Variants in NDUFA10 observed in about 807,000 individuals in gnomAD.
The protein encoded by NDUFA10 is NADH dehydrogenase [ubiquinone] 1 alpha subcomplex subunit 10, mitochondrial.
A neutral mutation model predicts 47.8 loss-of-function variants in NDUFA10; 40 were observed. The ratio of observed to expected loss-of-function variants is 0.84; its 90% CI spans 0.65 to 1.09. The LOEUF is 1.09. Among genes scored for constraint, NDUFA10 ranks in the 50% least tolerant of loss-of-function variants. The pLI, the probability that NDUFA10 is intolerant of heterozygous loss-of-function variation, is 0.00. For missense variants in NDUFA10, 413 were observed against 451.1 expected (o/e 0.92, Z 0.76); for synonymous variants, 183 against 172.2 (o/e 1.06, Z -0.49).
chr2:239,918,025 G>GT (rs1399305269), intron 4 of NDUFA10, among the ~76,000 whole-genome samples: 9 of 152,290 alleles, frequency 5.9e-5, no homozygotes, highest in African/African-American at 2.2e-4. Flanking sequence ...TGGACTCCAG[G>GT]TGGGGAGAGG....
chr2:239,963,219 G>A (rs1341860071), intron 9 of NDUFA10, among the ~76,000 whole-genome samples: 1 of 152,208 alleles, frequency 6.6e-6, no homozygotes, highest in Non-Finnish European at 1.5e-5. Flanking sequence ...GAAAGCCCAG[G>A]TCATTCAGCC....
intron 4 of NDUFA10, among the ~76,000 whole-genome samples, chr2:239,903,085 C>T (rs376167958): frequency 1.4e-3 from 207 of 152,208 alleles, no homozygotes; most frequent in African/African-American, 4.6e-3. Context: ...ATCCAGAGCA[C>T]GTTCTTGTCT....
chr2:239,933,743 A>G (rs1286747922), intron 4 of NDUFA10, among the ~76,000 whole-genome samples: 2 of 152,144 alleles, frequency 1.3e-5, no homozygotes, highest in Non-Finnish European at 1.5e-5. Flanking sequence ...AGGGCCCTGT[A>G]CGGAACGAAG....
intron 4 of NDUFA10, among the ~76,000 whole-genome samples, chr2:239,949,620 C>T (rs1057347004): frequency 1.4e-4 from 21 of 152,168 alleles, no homozygotes; most frequent in African/African-American, 4.8e-4. Context: ...CAGCCTCCCA[C>T]ATAGCTGGGA....
chr2:240,017,962 C>A (rs932575593), intron 4 of NDUFA10: 2 of 1,401,956 alleles, frequency 1.4e-6, no homozygotes, highest in Non-Finnish European at 2.0e-6. Context: ...AACCCACCGC[C>A]CAACACAGTC....
chr2:239,997,318 A>C (rs941558253), intron 8 of NDUFA10, among the ~76,000 whole-genome samples: 6 of 152,240 alleles, frequency 3.9e-5, no homozygotes, highest in African/African-American at 1.4e-4. Flanking sequence ...AGGTTCTTCG[A>C]AAAAGTTAAT....
intron 7 of NDUFA10, among the ~76,000 whole-genome samples, chr2:240,006,135 G>A (rs1376299546): frequency 6.6e-6 from 1 of 152,122 alleles, no homozygotes; most frequent in Admixed American, 6.5e-5. Context: ...TCGGGAATTT[G>A]AGTAAATTCA....
chr2:240,007,168 T>C (rs183709834), intron 7 of NDUFA10, 148 bp downstream of exon 7: 83 of 675,412 alleles, frequency 1.2e-4, no homozygotes, highest in Admixed American at 3.1e-4. Flanking sequence ...GGGAGTGTGA[T>C]GATGGGTTTG....
chr2:240,019,507 G>A (rs1327584881), intron 3 of NDUFA10, among the ~76,000 whole-genome samples: 1 of 152,130 alleles, frequency 6.6e-6, no homozygotes, highest in Non-Finnish European at 1.5e-5. Context: ...CAGAAGACAG[G>A]GTTGAAGAAT....
intron 8 of NDUFA10, among the ~76,000 whole-genome samples, chr2:239,996,694 CCA>C (rs1001641047): frequency 1.3e-5 from 2 of 152,196 alleles, no homozygotes; most frequent in Admixed American, 1.3e-4. Context: ...CACACACTCC[CCA>C]CACACTTTAA....
At chr2:239,999,522 TAGC>T (rs1342419159) in intron 8 of NDUFA10, among the ~76,000 whole-genome samples, 3 of 152,064 alleles carry the variant, frequency 2.0e-5, no homozygotes, top group South Asian at 2.1e-4. Context: ...GCCTCTTCCA[TAGC>T]AGCAGCAGCA....
At chr2:240,009,159 T>A (rs1201932058) in intron 6 of NDUFA10, among the ~76,000 whole-genome samples, 1 of 152,186 alleles carries the variant, frequency 6.6e-6, no homozygotes, top group Non-Finnish European at 1.5e-5. Context: ...TCACCCACCT[T>A]AGAACAATCT....
At chr2:239,952,733 C>CAGGGAT (rs1694577612), downstream of NDUFA10, among the ~76,000 whole-genome samples, 2 of 152,204 alleles carry the variant, frequency 1.3e-5, 1 homozygote, top group South Asian at 4.1e-4. Flanking sequence ...CACATGGGGA[C>CAGGGAT]AGGGATGGGC....
At chr2:239,914,006 G>A (rs999619904) in intron 4 of NDUFA10, among the ~76,000 whole-genome samples, 7 of 152,326 alleles carry the variant, frequency 4.6e-5, no homozygotes, top group East Asian at 1.9e-4. Flanking sequence ...GAACTGAGGC[G>A]GACGTGGACT....
At chr2:239,892,595 G>C (rs1364459866) in exon 6 of NDUFA10, 1 of 152,184 alleles carries the variant, frequency 6.6e-6, no homozygotes, top group African/African-American at 2.4e-5. Flanking sequence ...TTACGTACCA[G>C]GGCTGGGACG....
intron 4 of NDUFA10, among the ~76,000 whole-genome samples, chr2:239,900,885 T>C (rs762263780): frequency 1.3e-5 from 2 of 152,242 alleles, no homozygotes; most frequent in Non-Finnish European, 2.9e-5. Flanking sequence ...GCCATCTTCA[T>C]CACATAAAGG....
chr2:239,908,358 G>A (rs1290003723), intron 4 of NDUFA10, among the ~76,000 whole-genome samples: 2 of 152,108 alleles, frequency 1.3e-5, no homozygotes, highest in African/African-American at 2.4e-5. Flanking sequence ...TAACAAACCT[G>A]CACATTGTGC....
chr2:239,951,540 C>A lies in NDUFA10; in HGVS notation c.294+38534G>T, dbSNP rs530160243. Among the ~76,000 whole-genome samples, 6 of 152,298 alleles carry A rather than the reference C, an allele frequency of 3.9e-5. No homozygotes were observed. The South Asian group carries it at 1.2e-3, about 32-fold the overall frequency. ...TGGTCAGGGTCCTCCTCTCGCCACA[C>A]CCTCCCTGGGTCCCCTCAGCACCCA... is the stretch of plus-strand genomic sequence containing the variant. On this transcript the variant is annotated intron_variant, in intron 4 of 5. Coordinates refer to the NDUFA10 transcript ENST00000419408.
At chr2:239,982,204 G>C (rs986228510) in intron 9 of NDUFA10, 9 of 1,612,808 alleles carry the variant, frequency 5.6e-6, no homozygotes, top group Non-Finnish European at 7.6e-6. Flanking sequence ...GCCCGCTGCG[G>C]GTAGGGGATC....
Sources: gnomAD v4.1 joint callset for allele counts (sites outside exome capture counted in the v4.1 genomes callset) on GRCh38, gnomAD v4.1.1 for gene constraint, MANE v1.5 for transcripts, NCBI Gene and HGNC (gene_info 2026-07-23, HGNC 2026-07-21) for gene names.